EPM2A: variants seen among roughly 807,000 people sequenced by gnomAD.
EPM2A encodes the protein laforin.
In EPM2A, 21 loss-of-function variants were observed where a neutral mutation model predicts 26.5. That is an observed-to-expected ratio of 0.79 (90% confidence interval 0.56 to 1.14). The LOEUF (loss-of-function observed/expected upper bound fraction) is 1.14, where lower values mean the gene tolerates loss of function less well. Ranked by LOEUF, EPM2A falls within the 50% of genes most tolerant of loss-of-function variation. EPM2A has a pLI of 0.00. For missense variants in EPM2A, 458 were observed against 440.8 expected (o/e 1.04, Z -0.35); for synonymous variants, 217 against 177.6 (o/e 1.22, Z -1.76).
chr6:145,728,932 C>G (rs903303210), intron 1 of EPM2A, among the ~76,000 whole-genome samples: 4 of 152,188 alleles, frequency 2.6e-5, no homozygotes, highest in African/African-American at 9.6e-5. Flanking sequence ...CAGGGCCTCA[C>G]TACCCTGTAC....
chr6:145,391,869 C>A (rs974130236), intron 4 of EPM2A, among the ~76,000 whole-genome samples: 7 of 151,994 alleles, frequency 4.6e-5, no homozygotes, highest in African/African-American at 1.7e-4. Flanking sequence ...CCTCTCCCTT[C>A]CATCTGGACC....
chr6:145,637,013 A>C (rs1443209945), intron 2 of EPM2A: 6 of 152,298 alleles, frequency 3.9e-5, no homozygotes, highest in African/African-American at 1.4e-4. Flanking sequence ...TATCAACTCT[A>C]ACCTGTTGGT....
At chr6:145,637,721 G>C (rs1364151380) in intron 2 of EPM2A, 3 of 152,240 alleles carry the variant, frequency 2.0e-5, no homozygotes, top group South Asian at 2.1e-4. Context: ...GACACTTGCA[G>C]GGTGCCCAAG....
intron 1 of EPM2A, among the ~76,000 whole-genome samples, chr6:145,698,603 C>T (rs544554629): frequency 1.7e-5 from 2 of 117,190 alleles, no homozygotes; most frequent in African/African-American, 6.1e-5. Flanking sequence ...TTTGAAGAAA[C>T]ATAATAGAAA....
At chr6:145,615,533 C>T (rs758275195) in intron 2 of EPM2A, among the ~76,000 whole-genome samples, 5 of 151,840 alleles carry the variant, frequency 3.3e-5, no homozygotes, top group Non-Finnish European at 5.9e-5. Flanking sequence ...CTGTAAATAC[C>T]TGAAAATGAG....
chr6:145,564,322 A>C (rs1280194271), intron 2 of EPM2A, among the ~76,000 whole-genome samples: 1 of 152,228 alleles, frequency 6.6e-6, no homozygotes, highest in East Asian at 1.9e-4. Context: ...ACGTATGTAC[A>C]TTAAAAGAAA....
At chr6:145,503,704 A>G (rs1779929173) in intron 2 of EPM2A, among the ~76,000 whole-genome samples, 1 of 91,042 alleles carries the variant, frequency 1.1e-5, no homozygotes, top group Non-Finnish European at 2.2e-5. Flanking sequence ...ATCCCCATCA[A>G]GCTACCAATG....
At chr6:145,619,743 A>T (rs1775591925) in intron 2 of EPM2A, among the ~76,000 whole-genome samples, 1 of 152,216 alleles carries the variant, frequency 6.6e-6, no homozygotes, top group South Asian at 2.1e-4. Context: ...CAAAAAGAAA[A>T]AGAGGAAGTA....
intron 2 of EPM2A, among the ~76,000 whole-genome samples, chr6:145,590,472 G>A (rs1441167835): frequency 1.3e-5 from 2 of 151,868 alleles, no homozygotes; most frequent in Admixed American, 1.3e-4. Context: ...CCATTCACAA[G>A]CCAATAATAC....
intron 2 of EPM2A, among the ~76,000 whole-genome samples, chr6:145,558,581 A>G (rs1780762652): frequency 6.6e-6 from 1 of 152,046 alleles, no homozygotes; most frequent in African/African-American, 2.4e-5. Flanking sequence ...CTGCACCCTC[A>G]TGAGGTATAT....
intron 4 of EPM2A, among the ~76,000 whole-genome samples, chr6:145,445,355 G>A (rs931395632): frequency 6.6e-6 from 1 of 152,114 alleles, no homozygotes; most frequent in African/African-American, 2.4e-5. Context: ...TTCCATCCAG[G>A]TGAAATAAAG....
At chr6:145,676,966 G>GAC (rs951640912) in intron 2 of EPM2A, among the ~76,000 whole-genome samples, 8 of 152,068 alleles carry the variant, frequency 5.3e-5, no homozygotes, top group African/African-American at 1.9e-4. Flanking sequence ...GCCTGGCAGA[G>GAC]ACACACACAC....
intron 4 of EPM2A, among the ~76,000 whole-genome samples, chr6:145,495,801 T>C (rs1349147290): frequency 6.6e-6 from 1 of 152,172 alleles, no homozygotes; most frequent in Non-Finnish European, 1.5e-5. Flanking sequence ...GGACAGGAAC[T>C]CCTGACCTCG....
intron 4 of EPM2A, among the ~76,000 whole-genome samples, chr6:145,398,804 G>T (rs369313408): frequency 1.1e-4 from 17 of 149,714 alleles, no homozygotes; most frequent in African/African-American, 4.2e-4. Context: ...AGGTTGCAGT[G>T]AGCTGAGATT....
intron 4 of EPM2A, among the ~76,000 whole-genome samples, chr6:145,411,949 G>A (rs539945572): frequency 6.6e-6 from 1 of 152,152 alleles, no homozygotes; most frequent in Non-Finnish European, 1.5e-5. Flanking sequence ...ACTGGGTGTG[G>A]TGGCTCAAGC....
downstream of EPM2A, among the ~76,000 whole-genome samples, chr6:145,499,764 A>G (rs980577847): frequency 7.2e-5 from 11 of 152,340 alleles, no homozygotes; most frequent in African/African-American, 2.6e-4. Flanking sequence ...CTCCACAGAG[A>G]AAACATTTTT....
rs117252997 is a variant in EPM2A at position 145,661,843 on chromosome 6, C to G, written c.476+24279G>C. On this transcript the variant is annotated intron_variant, in intron 2 of 3. Transcript: ENST00000367519. ...TCCGGCTGAGCATCTTTGATCAATACGTGTGATCACTGATCTCTATCATAA... is the reference window on the plus strand; with the variant it reads ...TCCGGCTGAGCATCTTTGATCAATAGGTGTGATCACTGATCTCTATCATAA... 4.1e-3 allele frequency among the ~76,000 whole-genome samples: 626 copies of G among 152,228 alleles called. 17 individuals are homozygous for G. The East Asian group carries it at 0.07, about 17-fold the overall frequency.
At chr6:145,491,203 G>C in intron 4 of EPM2A, 3 of 436,394 alleles carry the variant, frequency 6.9e-6, no homozygotes, top group South Asian at 3.8e-5. Flanking sequence ...AATTTTCCCC[G>C]ACCCCTTCAT....
At chr6:145,573,669 C>T (rs914832544) in intron 2 of EPM2A, among the ~76,000 whole-genome samples, 13 of 152,166 alleles carry the variant, frequency 8.5e-5, no homozygotes, top group Non-Finnish European at 1.5e-4. Context: ...TAATGGTTTC[C>T]ATTTGGCCTT....
Sources: allele counts gnomAD v4.1 joint callset (sites outside exome capture counted in the v4.1 genomes callset), GRCh38; gene constraint gnomAD v4.1.1; transcripts MANE v1.5; gene names NCBI Gene and HGNC (gene_info 2026-07-23, HGNC 2026-07-21).